Variants in PLCB4 observed in about 807,000 individuals in gnomAD.
PLCB4 encodes 1-phosphatidylinositol 4,5-bisphosphate phosphodiesterase beta-4.
PLCB4 carries 77 observed loss-of-function variants against 178.8 expected under a neutral mutation model. The observed-to-expected ratio is 0.43, with a 90% confidence interval of 0.36 to 0.52. The LOEUF (loss-of-function observed/expected upper bound fraction) is 0.52. PLCB4 is among the 20% of genes least tolerant of loss of function. PLCB4 has a pLI of 0.00. For synonymous variants in PLCB4, 496 were observed against 490.8 expected, an observed-to-expected ratio of 1.01 and a Z score of -0.14; for missense variants, 1,024 against 1,453.4, an observed-to-expected ratio of 0.70 and a Z score of 4.80.
At chr20:9,252,830 T>A (rs1176834784) in intron 3 of PLCB4, among the ~76,000 whole-genome samples, 1 of 152,162 alleles carries the variant, frequency 6.6e-6, no homozygotes, top group African/African-American at 2.4e-5. Context: ...CTTTGGATCC[T>A]GAAGCTCCTG....
intron 3 of PLCB4, among the ~76,000 whole-genome samples, chr20:9,262,964 TTCA>T (rs2094312783): frequency 6.6e-6 from 1 of 152,188 alleles, no homozygotes; most frequent in African/African-American, 2.4e-5. Flanking sequence ...GTGATTGATT[TTCA>T]GCGGCTCTCT....
chr20:9,465,279 T>C (rs916307894), intron 35 of PLCB4, among the ~76,000 whole-genome samples: 4 of 152,234 alleles, frequency 2.6e-5, no homozygotes, highest in Non-Finnish European at 4.4e-5. Flanking sequence ...TGATGGAATG[T>C]ATCTCAAATT....
intron 1 of PLCB4, among the ~76,000 whole-genome samples, chr20:9,069,767 A>G (rs1453474679): frequency 2.0e-5 from 3 of 152,186 alleles, no homozygotes; most frequent in South Asian, 2.1e-4. Flanking sequence ...GACTTCGTAT[A>G]TGGTACTGAA....
intron 25 of PLCB4, among the ~76,000 whole-genome samples, chr20:9,414,036 G>A (rs2040067510): frequency 6.6e-6 from 1 of 152,222 alleles, no homozygotes; most frequent in African/African-American, 2.4e-5. Context: ...ACAGGCATGA[G>A]CTACTATGCC....
intron 28 of PLCB4, among the ~76,000 whole-genome samples, chr20:9,428,250 T>G (rs980099407): frequency 6.6e-6 from 1 of 152,210 alleles, no homozygotes; most frequent in African/African-American, 2.4e-5. Flanking sequence ...CATATTTTAT[T>G]AAATATTTGT....
At chr20:9,168,011 C>T (rs1010662993) in intron 2 of PLCB4, among the ~76,000 whole-genome samples, 1 of 152,164 alleles carries the variant, frequency 6.6e-6, no homozygotes, top group African/African-American at 2.4e-5. Flanking sequence ...AGAACTTTCA[C>T]AGCTGTCTTT....
chr20:9,316,743 G>A (rs905176890), intron 4 of PLCB4, among the ~76,000 whole-genome samples: 20 of 152,262 alleles, frequency 1.3e-4, no homozygotes, highest in African/African-American at 3.9e-4. Flanking sequence ...ACCTCAGTTG[G>A]CCCGAACACT....
rs1229841291 is a variant in PLCB4 at position 9,459,802 on chromosome 20, C to T, written c.3240C>T (p.Ser1080=). 3.1e-6 allele frequency: 5 copies of T among 1,598,684 alleles called. No homozygotes were observed. The highest frequency in any genetic ancestry group is 1.3e-5 in the African/African-American group (1 of 74,778). The change falls in exon 35 of 40, where the codon TCC becomes TCT. Residue 1080 remains serine (S), a synonymous_variant. Coordinates refer to ENST00000378473, the MANE Select transcript of PLCB4 (RefSeq NM_001377142.1). Reference sequence around the variant, plus strand: ...AGCAAACCCAGCAGCTGAAACTGTCCCATGACAGGTGGGGGAATTGCCGTC... The same window carrying T: ...AGCAAACCCAGCAGCTGAAACTGTCTCATGACAGGTGGGGGAATTGCCGTC... ...HEQQTQQLKL[S]HDRESKEMRA...
intron 4 of PLCB4, among the ~76,000 whole-genome samples, chr20:9,335,073 T>C (rs1352138913): frequency 6.6e-6 from 1 of 152,172 alleles, no homozygotes; most frequent in East Asian, 1.9e-4. Flanking sequence ...GGCTGATTCT[T>C]TGTGGATCTA....
At chr20:9,261,837 A>G (rs536691043) in intron 3 of PLCB4, among the ~76,000 whole-genome samples, 5,210 of 152,262 alleles carry the variant, frequency 0.034, 323 homozygotes, top group African/African-American at 0.12. Flanking sequence ...CCAATAAGTG[A>G]AAAAACAGAA....
At chr20:9,272,240 A>T (rs980047400) in intron 3 of PLCB4, among the ~76,000 whole-genome samples, 22 of 152,068 alleles carry the variant, frequency 1.4e-4, no homozygotes, top group Non-Finnish European at 1.5e-5. Flanking sequence ...CTAAGAAGGT[A>T]TAACAATTTC....
chr20:9,383,882 A>G (rs2037357384), intron 13 of PLCB4, among the ~76,000 whole-genome samples: 2 of 152,228 alleles, frequency 1.3e-5, no homozygotes, highest in African/African-American at 4.8e-5. Context: ...GTGAGTAGCA[A>G]GAGCAGAACT....
chr20:9,223,875 A>C lies in PLCB4; in HGVS notation c.-16+6423A>C, dbSNP rs542128853. Reference sequence around the variant, plus strand: ...CTATCTGATAATCAAGATAACTACTAGTGGCCAATGAGTGGGTAGCTAGAG... The same window carrying C: ...CTATCTGATAATCAAGATAACTACTCGTGGCCAATGAGTGGGTAGCTAGAG... On this transcript the variant is annotated intron_variant, in intron 3 of 39. Transcript: ENST00000378473. Among the ~76,000 whole-genome samples, 5 of 152,218 alleles carry C rather than the reference A, an allele frequency of 3.3e-5. No individual in the cohort carries two copies. The South Asian group carries it at 1.0e-3, about 31-fold the overall frequency.
chr20:9,148,766 T>C (rs1413156124), intron 2 of PLCB4, among the ~76,000 whole-genome samples: 1 of 152,210 alleles, frequency 6.6e-6, no homozygotes, highest in Non-Finnish European at 1.5e-5. Flanking sequence ...TTTAGCACTG[T>C]CAAAGTAGCT....
At chr20:9,407,296 T>G (rs1010121684) in intron 21 of PLCB4, among the ~76,000 whole-genome samples, 1 of 152,190 alleles carries the variant, frequency 6.6e-6, no homozygotes, top group Non-Finnish European at 1.5e-5. Context: ...CTATTTTTGA[T>G]GTTGTGCCTC....
rs888077264 is a variant in PLCB4 at position 9,172,116 on chromosome 20, C to T, written c.-78-45274C>T. Among the ~76,000 whole-genome samples the T allele has an allele frequency of 5.3e-5, 8 of 152,186 alleles. No individual in the cohort carries two copies. The East Asian group carries it at 1.5e-3, about 29-fold the overall frequency. On this transcript the variant is annotated intron_variant, in intron 2 of 39. Transcript: ENST00000378473. The stretch of plus-strand genomic sequence containing the variant: ...TGTTTGGCACTTTAATAATTCCTTT[C>T]ATCTGCAAAGAGCAAATTGTTTTTC...
intron 7 of PLCB4, among the ~76,000 whole-genome samples, chr20:9,341,795 C>T (rs1483579156): frequency 6.6e-6 from 1 of 152,036 alleles, no homozygotes; most frequent in East Asian, 1.9e-4. Flanking sequence ...TGAAGGTTTT[C>T]TCCTAGTATT....
In PLCB4 at chr20:9,407,955, A is replaced by G. The variant is rs150752900; in HGVS notation, c.1686A>G (p.Ala562=). 43 of 1,613,588 alleles carry G rather than the reference A, an allele frequency of 2.7e-5. No homozygotes were observed. The African/African-American group carries it at 4.8e-4, about 18-fold the overall frequency. Residue 562 remains alanine, a synonymous_variant, in exon 22 of 40, where the codon GCA becomes GCG. Transcript: ENST00000378473. ...VTVEDEQAWM[A]SYKYVGATTN... ...TAGAAGATGAGCAGGCGTGGATGGC[A>G]TCTTATAAATATGTAGGTGCTACCA... is the stretch of plus-strand genomic sequence containing the variant.
chr20:9,324,358 A>G (rs1303040558), intron 4 of PLCB4, among the ~76,000 whole-genome samples: 1 of 152,032 alleles, frequency 6.6e-6, no homozygotes, highest in East Asian at 1.9e-4. Flanking sequence ...CTCGGGAGGC[A>G]GAGGTTGCAG....
Sources: gnomAD v4.1 joint callset for allele counts (sites outside exome capture counted in the v4.1 genomes callset) on GRCh38, gnomAD v4.1.1 for gene constraint, MANE v1.5 for transcripts, NCBI Gene and HGNC (gene_info 2026-07-23, HGNC 2026-07-21) for gene names.